Variants in PPIL2 observed in about 807,000 individuals in gnomAD.
The protein encoded by PPIL2 is RING-type E3 ubiquitin-protein ligase PPIL2.
PPIL2 carries 50 observed loss-of-function variants against 75.2 expected under a neutral mutation model. The ratio of observed to expected loss-of-function variants is 0.66; its 90% CI spans 0.53 to 0.84. The LOEUF (loss-of-function observed/expected upper bound fraction) is 0.84. PPIL2 is among the 40% of genes least tolerant of loss of function. The probability of loss-of-function intolerance (pLI) is 0.00; values close to 1 mark genes in which losing one functional copy is unlikely to be tolerated. For synonymous variants in PPIL2, 245 were observed against 258.8 expected, an observed-to-expected ratio of 0.95 and a Z score of 0.51; for missense variants, 590 against 685.0, an observed-to-expected ratio of 0.86 and a Z score of 1.55.
chr22:21,686,518 C>T lies in PPIL2; in HGVS notation c.750C>T (p.Phe250=). The stretch of plus-strand genomic sequence containing the variant: ...CCACAGGGAAGGTCAGCGCTTCCTT[C>T]ACCTCCACCGCGATGGTCCCGGAGA... ...HYSTGKVSAS[F]TSTAMVPETT... is the part of the protein sequence containing the mutation. Residue 250 remains phenylalanine (F), a synonymous_variant, in exon 11 of 20, where the codon TTC becomes TTT. Coordinates refer to ENST00000398831, the MANE Select transcript of PPIL2 (RefSeq NM_014337.4). 2 of 1,614,194 alleles carry T rather than the reference C, an allele frequency of 1.2e-6. No individual in the cohort carries two copies. The highest frequency in any genetic ancestry group is 1.7e-6 in the Non-Finnish European group (2 of 1,180,018).
At chr22:21,676,697 A>G (rs1190730518) in intron 6 of PPIL2, among the ~76,000 whole-genome samples, 1 of 113,198 alleles carries the variant, frequency 8.8e-6, no homozygotes, top group African/African-American at 3.1e-5. Context: ...ATAGATCAAC[A>G]GCATCCCAAG....
chr22:21,695,672 C>T lies in PPIL2; in HGVS notation c.*182C>T. ...GCCTTCCCATCCCTTAACCTGTTGC[C>T]AAGGGCCTTGGCCCTGTTTCCAGGA... On this transcript the variant is annotated 3_prime_UTR_variant, in exon 20 of 20. Coordinates refer to ENST00000398831, the MANE Select transcript of PPIL2 (RefSeq NM_014337.4). The T allele has an allele frequency of 7.1e-7, 1 of 1,409,164 alleles. No homozygotes were observed. The highest frequency in any genetic ancestry group is 9.2e-7 in the Non-Finnish European group (1 of 1,081,906). 87.3% of individuals were successfully genotyped at this position (1,409,164 alleles called of 1,614,324 possible).
rs754423664 is a variant in PPIL2, at chr22:21,682,548, G to A, written c.477+22G>A. 3 of 1,544,978 alleles carry A rather than the reference G, an allele frequency of 1.9e-6. No individual in the cohort carries two copies. The South Asian group carries it at 3.4e-5, about 17-fold the overall frequency. On this transcript the variant is annotated intron_variant, in intron 8 of 19. Transcript: ENST00000398831. ...CCAGGTGAGTGTCCCCTGCCTGCCT[G>A]CCCCAGCTGCCTTCAGCACCTGCAG...
chr22:21,681,110 C>T (rs959198914), intron 6 of PPIL2, among the ~76,000 whole-genome samples, 189 bp from the exon 7 acceptor site: 4 of 152,146 alleles, frequency 2.6e-5, no homozygotes, highest in African/African-American at 4.8e-5. Flanking sequence ...AGTTTCCTAA[C>T]GGTGTGGAAG....
intron 6 of PPIL2, among the ~76,000 whole-genome samples, chr22:21,677,998 G>A (rs2066950163): frequency 6.6e-6 from 1 of 152,164 alleles, no homozygotes; most frequent in Non-Finnish European, 1.5e-5. Flanking sequence ...ACGCTCAAGG[G>A]TGTCTGTGCC....
chr22:21,689,536 G>A (rs2067532262), intron 15 of PPIL2, among the ~76,000 whole-genome samples: 1 of 151,960 alleles, frequency 6.6e-6, no homozygotes, highest in Non-Finnish European at 1.5e-5. Context: ...AAAAACTACC[G>A]TTCATTTTAT....
At chr22:21,666,228 C>A in intron 1 of PPIL2, 97 bp downstream of exon 1, 1 of 1,389,186 alleles carries the variant, frequency 7.2e-7, no homozygotes, top group South Asian at 1.3e-5. Flanking sequence ...CAGCTACTCC[C>A]CAGAGCACAG....
chr22:21,693,922 T>A, intron 16 of PPIL2, 50 bp downstream of exon 16: 1 of 1,508,216 alleles, frequency 6.6e-7, no homozygotes, highest in Non-Finnish European at 9.2e-7. Flanking sequence ...GCTAGGTGGG[T>A]TCCTTCCCCA....
intron 6 of PPIL2, 67 bp from the exon 7 acceptor site, chr22:21,681,232 C>T (rs1379405177): frequency 6.1e-6 from 8 of 1,315,692 alleles, no homozygotes; most frequent in African/African-American, 1.5e-5. Flanking sequence ...TGGCCCTCTG[C>T]GGTCCTCACT....
chr22:21,676,298 ATTT>A (rs2148515579), intron 6 of PPIL2, among the ~76,000 whole-genome samples: 1 of 53,136 alleles, frequency 1.9e-5, no homozygotes, highest in South Asian at 5.6e-4. Flanking sequence ...GCAAATATTT[ATTT>A]ATTTATTTTG....
intron 8 of PPIL2, 94 bp downstream of exon 8, chr22:21,682,620 A>G: frequency 1.5e-6 from 1 of 669,640 alleles, no homozygotes; most frequent in Non-Finnish European, 2.1e-6. Flanking sequence ...AGGGCCCCTC[A>G]TATCTGTCCT....
intron 5 of PPIL2, 33 bp from the exon 6 acceptor site, chr22:21,675,031 A>C (rs1345323831): frequency 6.4e-7 from 1 of 1,573,364 alleles, no homozygotes; most frequent in Non-Finnish European, 8.7e-7. Flanking sequence ...TTACTTATTC[A>C]TTATCATTAA....
In PPIL2 at chr22:21,695,001, C is replaced by T; in HGVS notation, c.1397C>T (p.Pro466Leu). 1 of 1,613,680 alleles carries T rather than the reference C, an allele frequency of 6.2e-7. No homozygotes were observed. ...APETKVKSSQ[P>L]QAGSQGPQTF... ...GAGACCAAAGTGAAGAGCAGCCAGC[C>T]CCAGGCAGGGAGCCAGGGCCCCCAG... The change falls in exon 19 of 20, where the codon CCC (proline) becomes CTC (leucine). Residue 466 changes from proline to leucine, a missense_variant. By Grantham distance (98) the Pro-to-Leu change is moderately conservative (BLOSUM62 -3). Coordinates refer to ENST00000398831, the MANE Select transcript of PPIL2 (RefSeq NM_014337.4).
chr22:21,694,821 A>T lies in PPIL2; in HGVS notation c.1332+4A>T. On this transcript the variant is annotated splice_donor_region_variant and intron_variant, in intron 18 of 19. Coordinates refer to ENST00000398831, the MANE Select transcript of PPIL2 (RefSeq NM_014337.4). Reference sequence around the variant, plus strand: ...CTATGAGGAGGCCGATGCCCAGGTGAGGGGGCACGATGCCACCACCTAGGA... The same window carrying T: ...CTATGAGGAGGCCGATGCCCAGGTGTGGGGGCACGATGCCACCACCTAGGA... 6.3e-7 allele frequency: 1 copy of T among 1,596,350 alleles called. No homozygotes were observed. Among genetic ancestry groups the T allele is most frequent in the Non-Finnish European group, 8.6e-7 (1 of 1,168,976 alleles).
Position 21,673,846 on chromosome 22 carries a change from G to A in PPIL2, c.244-1218G>A, listed in dbSNP as rs1238427208. Among the ~76,000 whole-genome samples, 2 of 152,226 alleles carry A rather than the reference G, an allele frequency of 1.3e-5. 1 individual carries two copies. Among genetic ancestry groups the A allele is most frequent in the African/African-American group, 4.8e-5 (2 of 41,452 alleles). On this transcript the variant is annotated intron_variant, in intron 5 of 19. Transcript: ENST00000398831. ...TGTGACTTTTGGGGGCTCAGGAGGA[G>A]CCTGTTGTGTTGGGGAGTCTCTCTG...
chr22:21,667,306 G>A (rs1029931510), intron 1 of PPIL2, among the ~76,000 whole-genome samples: 2 of 152,010 alleles, frequency 1.3e-5, no homozygotes, highest in South Asian at 2.1e-4. Context: ...ACAGGCATAC[G>A]CCACCATGCC....
intron 1 of PPIL2, among the ~76,000 whole-genome samples, chr22:21,667,313 T>C (rs1336243093): frequency 1.3e-5 from 2 of 152,036 alleles, no homozygotes; most frequent in African/African-American, 2.4e-5. Flanking sequence ...TACGCCACCA[T>C]GCCCAGCTAA....
At chr22:21,691,274 C>T (rs1358625339) in intron 15 of PPIL2, among the ~76,000 whole-genome samples, 1 of 151,948 alleles carries the variant, frequency 6.6e-6, no homozygotes, top group African/African-American at 2.4e-5. Context: ...GTATTTTGTG[C>T]TTTCTTGGAC....
At chr22:21,670,402 A>G (rs1601507247) in intron 2 of PPIL2, 164 bp from the exon 3 acceptor site, 11 of 1,478,934 alleles carry the variant, frequency 7.4e-6, no homozygotes, top group East Asian at 2.4e-5. Context: ...ATGTACCCCA[A>G]GTGTTTTGGT....
Sources: gnomAD v4.1 joint callset for allele counts (sites outside exome capture counted in the v4.1 genomes callset) on GRCh38, gnomAD v4.1.1 for gene constraint, MANE v1.5 for transcripts, NCBI Gene and HGNC (gene_info 2026-07-23, HGNC 2026-07-21) for gene names.